LRFN2: variants seen among roughly 807,000 people sequenced by gnomAD.
LRFN2 encodes the protein leucine-rich repeat and fibronectin type-III domain-containing protein 2.
Under a neutral mutation model 37.3 loss-of-function variants are expected in LRFN2, and 18 were observed. That is an observed-to-expected ratio of 0.48 (90% CI 0.33 to 0.72). LRFN2 has a LOEUF of 0.72. LRFN2 is among the 30% of genes least tolerant of loss of function. The pLI, the probability that LRFN2 is intolerant of heterozygous loss-of-function variation, is 0.02. For missense variants in LRFN2, 1,006 were observed against 1,060.7 expected, an observed-to-expected ratio of 0.95 and a Z score of 0.72; for synonymous variants, 556 against 466.6, an observed-to-expected ratio of 1.19 and a Z score of -2.47.
intron 1 of LRFN2, among the ~76,000 whole-genome samples, chr6:40,531,285 G>A (rs987721885): frequency 5.3e-5 from 8 of 152,072 alleles, no homozygotes; most frequent in Non-Finnish European, 7.3e-5. Flanking sequence ...CATAACTTTC[G>A]GTTGTTCATG....
intron 2 of LRFN2, among the ~76,000 whole-genome samples, chr6:40,414,058 G>A (rs1763038906): frequency 6.6e-6 from 1 of 152,226 alleles, no homozygotes; most frequent in Non-Finnish European, 1.5e-5. Flanking sequence ...GTCCTGGGAG[G>A]AAGAGGAACA....
rs763998324 is a variant in LRFN2 at position 40,520,223 on chromosome 6, C to T, written c.-19+66718G>A. ...GTAGCAGGAAACAGGAAGCCCAGCC[C>T]GAGAGGAGATGATGCTGCAGTTCTG... On this transcript the variant is annotated intron_variant, in intron 1 of 2. Transcript: ENST00000338305. Among the ~76,000 whole-genome samples, 6 of 152,034 alleles carry T rather than the reference C, an allele frequency of 3.9e-5. No homozygotes were observed. The East Asian group carries it at 7.7e-4, about 20-fold the overall frequency.
intron 1 of LRFN2, among the ~76,000 whole-genome samples, chr6:40,568,485 A>G (rs944852735): frequency 6.6e-6 from 1 of 152,224 alleles, no homozygotes; most frequent in Non-Finnish European, 1.5e-5. Context: ...AAAGTTATGT[A>G]TGTGGGTGGC....
At chr6:40,516,597 C>T (rs1561890361) in intron 1 of LRFN2, among the ~76,000 whole-genome samples, 2 of 152,160 alleles carry the variant, frequency 1.3e-5, no homozygotes, top group South Asian at 2.1e-4. Flanking sequence ...TAGAAAATTA[C>T]CTGCCAAATG....
intron 1 of LRFN2, among the ~76,000 whole-genome samples, chr6:40,465,999 C>T (rs1449714949): frequency 1.3e-5 from 2 of 152,164 alleles, no homozygotes; most frequent in African/African-American, 4.8e-5. Flanking sequence ...GCCCTACAGT[C>T]TACCAGGGGT....
chr6:40,479,890 G>A (rs1764788957), intron 1 of LRFN2, among the ~76,000 whole-genome samples: 1 of 152,204 alleles, frequency 6.6e-6, no homozygotes, highest in Admixed American at 6.5e-5. Context: ...TGTGAAATAA[G>A]TTTGGAAAAA....
At chr6:40,540,299 C>T (rs1766528896) in intron 1 of LRFN2, among the ~76,000 whole-genome samples, 1 of 152,210 alleles carries the variant, frequency 6.6e-6, no homozygotes, top group African/African-American at 2.4e-5. Flanking sequence ...TGTGAGTTGG[C>T]CCCTAGGCCA....
chr6:40,445,279 T>G (rs1393180736), intron 1 of LRFN2, among the ~76,000 whole-genome samples: 1 of 152,190 alleles, frequency 6.6e-6, no homozygotes, highest in African/African-American at 2.4e-5. Flanking sequence ...ATTTTATAAG[T>G]GGAGAAATTG....
intron 2 of LRFN2, among the ~76,000 whole-genome samples, chr6:40,419,974 C>A (rs1282496091): frequency 6.6e-6 from 1 of 152,184 alleles, no homozygotes. Flanking sequence ...TGACCTAGTG[C>A]AAAGGTTTGG....
At chr6:40,499,564 G>T (rs1329729723) in intron 1 of LRFN2, among the ~76,000 whole-genome samples, 2 of 152,142 alleles carry the variant, frequency 1.3e-5, no homozygotes, top group Non-Finnish European at 2.9e-5. Context: ...AATTGGAGTG[G>T]ATTTAGGGCT....
chr6:40,582,828 TA>T (rs1767428134), intron 1 of LRFN2, among the ~76,000 whole-genome samples: 1 of 152,126 alleles, frequency 6.6e-6, no homozygotes, highest in Non-Finnish European at 1.5e-5. Context: ...AGAACATAGC[TA>T]TTTTTGACCC....
chr6:40,433,514 A>ATGGG (rs1355350952), intron 1 of LRFN2, among the ~76,000 whole-genome samples: 1 of 152,100 alleles, frequency 6.6e-6, no homozygotes, highest in African/African-American at 2.4e-5. Context: ...GGATGGATGG[A>ATGGG]TGGATGGGTG....
chr6:40,502,636 C>T (rs747257372), intron 1 of LRFN2, among the ~76,000 whole-genome samples: 13 of 152,172 alleles, frequency 8.5e-5, no homozygotes, highest in Non-Finnish European at 1.5e-4. Flanking sequence ...CCTTTGAATA[C>T]GACTATGTGT....
chr6:40,421,754 T>C (rs1365236969), intron 2 of LRFN2, among the ~76,000 whole-genome samples: 1 of 152,246 alleles, frequency 6.6e-6, no homozygotes, highest in Non-Finnish European at 1.5e-5. Flanking sequence ...TGCTCTTGAC[T>C]GAATGGAGGG....
chr6:40,492,546 C>T (rs145440618), intron 1 of LRFN2, among the ~76,000 whole-genome samples: 4 of 152,318 alleles, frequency 2.6e-5, no homozygotes, highest in African/African-American at 9.6e-5. Flanking sequence ...AGAATGAAAA[C>T]AATTGATTAT....
chr6:40,513,476 C>T (rs1488355012), intron 1 of LRFN2, among the ~76,000 whole-genome samples: 3 of 152,104 alleles, frequency 2.0e-5, no homozygotes, highest in Non-Finnish European at 2.9e-5. Context: ...TCAAGTGATC[C>T]GCCCACCTCA....
At chr6:40,555,324 G>T (rs1020276919) in intron 1 of LRFN2, among the ~76,000 whole-genome samples, 4 of 152,206 alleles carry the variant, frequency 2.6e-5, no homozygotes, top group Non-Finnish European at 5.9e-5. Context: ...TTGCGGTGGG[G>T]AGGCTGGGCC....
chr6:40,487,309 G>C (rs1237741112), intron 1 of LRFN2, among the ~76,000 whole-genome samples: 1 of 152,150 alleles, frequency 6.6e-6, no homozygotes, highest in Non-Finnish European at 1.5e-5. Context: ...ATGCCAATGA[G>C]CCCCAAGTTC....
chr6:40,527,984 G>A (rs1404053756), intron 1 of LRFN2, among the ~76,000 whole-genome samples: 1 of 152,162 alleles, frequency 6.6e-6, no homozygotes, highest in Non-Finnish European at 1.5e-5. Context: ...CAAAGTGACT[G>A]TTATTATTCC....
Sources: allele counts gnomAD v4.1 joint callset (sites outside exome capture counted in the v4.1 genomes callset), GRCh38; gene constraint gnomAD v4.1.1; transcripts MANE v1.5; gene names NCBI Gene and HGNC (gene_info 2026-07-23, HGNC 2026-07-21).